LAMB3: variants seen among roughly 807,000 people sequenced by gnomAD.
LAMB3 encodes laminin subunit beta-3.
LAMB3 carries 104 observed loss-of-function variants against 140.3 expected under a neutral mutation model. The ratio of observed to expected loss-of-function variants is 0.74; its 90% confidence interval spans 0.63 to 0.87. LAMB3 has a LOEUF of 0.87. Ranked by LOEUF, LAMB3 falls within the 40% of genes least tolerant of loss-of-function variation. LAMB3 has a pLI of 0.00. For missense variants in LAMB3, 1,531 were observed against 1,575.2 expected (o/e 0.97, Z 0.47); for synonymous variants, 592 against 602.9 (o/e 0.98, Z 0.26).
rs1187091901 is a variant in LAMB3 at position 209,620,345 on chromosome 1, G to A, written c.2702-1686C>T. On this transcript the variant is annotated intron_variant, in intron 18 of 22. Coordinates refer to ENST00000356082, the MANE Select transcript of LAMB3 (RefSeq NM_000228.3). ...AAACACAGGTGCTATGATGGCCATGGAAGGGGCCCCCAGCGCCATCTGATA... is the reference window on the plus strand; with the variant it reads ...AAACACAGGTGCTATGATGGCCATGAAAGGGGCCCCCAGCGCCATCTGATA... 3.3e-5 allele frequency among the ~76,000 whole-genome samples: 5 copies of A among 152,166 alleles called. No individual in the cohort carries two copies. In the South Asian group the frequency reaches 1.0e-3, roughly 32 times the overall value.
At position 209,642,504 on chromosome 1, in the gene LAMB3, C is replaced by T. The variant is rs965886649; in HGVS notation, c.184-3856G>A. On this transcript the variant is annotated intron_variant, in intron 3 of 22. Transcript: ENST00000356082. ...GTTTGTTTGTTTTTTGAGATAGGGT[C>T]TCACTCTCTCACCCAGACTCTGGAG... Among the ~76,000 whole-genome samples, 7 of 152,048 alleles carry T rather than the reference C, an allele frequency of 4.6e-5. No individual in the cohort carries two copies. The South Asian group carries it at 1.5e-3, about 32-fold the overall frequency.
rs375282891 is a variant in LAMB3, at chr1:209,634,452, C to T, written c.559G>A (p.Gly187Arg). The T allele has an allele frequency of 1.9e-6, 3 of 1,613,924 alleles. No homozygotes were observed. The highest frequency in any genetic ancestry group is 2.5e-6 in the Non-Finnish European group (3 of 1,179,964). The stretch of plus-strand genomic sequence containing the variant: ...TCAGGATTCCCTCTACCTACCTTCC[C>T]CCCATTTAGGCGTGCATTAGGCCTC... ...PQRPNARLNG[G>R]KVQLNLMDLV... The change falls in exon 6 of 23, where the codon GGG becomes AGG. Residue 187 changes from glycine (G) to arginine (R), a missense_variant. By Grantham distance (125) the Gly-to-Arg change is moderately radical. Coordinates refer to ENST00000356082, the MANE Select transcript of LAMB3 (RefSeq NM_000228.3).
intron 18 of LAMB3, among the ~76,000 whole-genome samples, chr1:209,619,067 C>T (rs1439290036): frequency 6.6e-6 from 1 of 152,176 alleles, no homozygotes; most frequent in African/African-American, 2.4e-5. Flanking sequence ...GGCAAAAAGA[C>T]CCCTTCCCTG....
In LAMB3 at chr1:209,627,367, C is replaced by A; in HGVS notation, c.1485+16G>T. 2 of 1,604,470 alleles carry A rather than the reference C, an allele frequency of 1.2e-6. No individual in the cohort carries two copies. Among genetic ancestry groups the A allele is most frequent in the Non-Finnish European group, 1.7e-6 (2 of 1,172,694 alleles). On this transcript the variant is annotated intron_variant, in intron 12 of 22. Coordinates refer to ENST00000356082, the MANE Select transcript of LAMB3 (RefSeq NM_000228.3). ...CCTCCCACTGAGGGGGCCCCCGGAC[C>A]ACCCTCACTTCGTACCTGGTTGCAC...
At position 209,623,756 on chromosome 1, in the gene LAMB3, G is replaced by A. The variant is rs760381256; in HGVS notation, c.2138-31C>T. On this transcript the variant is annotated intron_variant, in intron 15 of 22. Coordinates refer to ENST00000356082, the MANE Select transcript of LAMB3 (RefSeq NM_000228.3). The surrounding 1 kb of genome is among the most constrained non-coding windows in gnomAD (Gnocchi z 4.2). ...GCGAGAAGCATGAGGAATGGAGATG[G>A]AGGAGGAGCAGGAGGGAGAGGGGGT... 9 of 1,613,410 alleles carry A rather than the reference G, an allele frequency of 5.6e-6. No homozygotes were observed. The South Asian group carries it at 8.8e-5, about 16-fold the overall frequency.
chr1:209,645,496 G>C (rs753621064), intron 3 of LAMB3, among the ~76,000 whole-genome samples: 25 of 151,956 alleles, frequency 1.6e-4, no homozygotes, highest in Admixed American at 1.6e-3. Context: ...CGGGCAGATC[G>C]CTTGAGGTCA....
rs78015580 is a variant in LAMB3, at chr1:209,631,455, C to T, written c.823-720G>A. 4.0e-3 allele frequency among the ~76,000 whole-genome samples: 610 copies of T among 152,326 alleles called. 3 individuals carry two copies. Among genetic ancestry groups the T allele is most frequent in the African/African-American group, 0.014 (580 of 41,570 alleles). ...CCTGCCAGCTAGGCTCCAGCTAGAA[C>T]GGCACCTCTCTCATAAGGCCTCCCT... is the stretch of plus-strand genomic sequence containing the variant. On this transcript the variant is annotated intron_variant, in intron 8 of 22. Coordinates refer to ENST00000356082, the MANE Select transcript of LAMB3 (RefSeq NM_000228.3).
In LAMB3 at chr1:209,617,454, G is replaced by C; in HGVS notation, c.3184C>G (p.Gln1062Glu). The C allele has an allele frequency of 6.2e-7, 1 of 1,613,290 alleles. No homozygotes were observed. The highest frequency in any genetic ancestry group is 8.5e-7 in the Non-Finnish European group (1 of 1,180,050). The change falls in exon 21 of 23, where the codon CAG becomes GAG. Residue 1062 changes from glutamine (Q) to glutamate (E), a missense_variant. Transcript: ENST00000356082. ...QQGAEAVQAQ[Q>E]LAEGASEQAL... ...TGCTCGCTGGCACCTTCCGCAAGCTGCTGGGCCTGGACTGCCTCTGCCCCC... is the reference window on the plus strand; with the variant it reads ...TGCTCGCTGGCACCTTCCGCAAGCTCCTGGGCCTGGACTGCCTCTGCCCCC...
In LAMB3 at chr1:209,618,543, C is replaced by T; in HGVS notation, c.2818G>A (p.Ala940Thr). 6.2e-7 allele frequency: 1 copy of T among 1,614,272 alleles called. No homozygotes were observed. The highest frequency in any genetic ancestry group is 1.1e-5 in the South Asian group (1 of 91,090). ...QKMNEIQAIA[A>T]RLPNVDLVLS... Reference sequence around the variant, plus strand: ...ACCAAGTCCACGTTGGGGAGCCTGGCTGCAATGGCCTGGATCTCATTCATC... The same window carrying T: ...ACCAAGTCCACGTTGGGGAGCCTGGTTGCAATGGCCTGGATCTCATTCATC... The change falls in exon 19 of 23, where the codon GCC (alanine) becomes ACC (threonine). Residue 940 changes from alanine to threonine, a missense_variant. By Grantham distance (58) the Ala-to-Thr change is moderately conservative. Transcript: ENST00000356082.
At chr1:209,641,204 C>T (rs1463429534) in intron 3 of LAMB3, among the ~76,000 whole-genome samples, 6 of 151,962 alleles carry the variant, frequency 3.9e-5, no homozygotes, top group Non-Finnish European at 7.4e-5. Context: ...AAACTATTTG[C>T]ATTAGCATTA....
intron 21 of LAMB3, 46 bp from the exon 22 acceptor site, chr1:209,616,670 TC>T: frequency 6.2e-7 from 1 of 1,601,086 alleles, no homozygotes; most frequent in Non-Finnish European, 8.5e-7. Context: ...TCATGCAAGG[TC>T]CTAAAGACCT....
Position 209,622,571 on chromosome 1 carries a change from C to T in LAMB3, c.2666G>A (p.Arg889Gln), listed in dbSNP as rs139896242. 8.6e-5 allele frequency: 139 copies of T among 1,613,950 alleles called. No homozygotes were observed. Among genetic ancestry groups the T allele is most frequent in the Non-Finnish European group, 1.1e-4 (130 of 1,180,002 alleles). The change falls in exon 18 of 23, where the codon CGG becomes CAG. Residue 889 changes from arginine (R) to glutamine (Q), a missense_variant. Arg to Gln is a conservative substitution (Grantham distance 43, BLOSUM62 1). Transcript: ENST00000356082. ...SQMEEDVRRT[R>Q]LLIQQVRDFL... is the part of the protein sequence containing the mutation. ...GTCCCGGACCTGCTGGATTAGGAGC[C>T]GTGTGCGTCTGACATCTTCCTCCAT...
intron 21 of LAMB3, among the ~76,000 whole-genome samples, chr1:209,617,000 TG>T: frequency 6.6e-6 from 1 of 152,246 alleles, no homozygotes; most frequent in East Asian, 1.9e-4. Context: ...ACACTGAGAA[TG>T]GGCTCTTTGA....
At chr1:209,618,114 C>A in intron 19 of LAMB3, 66 bp from the exon 20 acceptor site, 1 of 1,589,656 alleles carries the variant, frequency 6.3e-7, no homozygotes, top group South Asian at 1.1e-5. Context: ...ATGTGTGGTT[C>A]GACTCACACA....
At chr1:209,647,417 G>A (rs751176024) in intron 3 of LAMB3, among the ~76,000 whole-genome samples, 2 of 152,252 alleles carry the variant, frequency 1.3e-5, no homozygotes, top group Non-Finnish European at 2.9e-5. Flanking sequence ...GGGGAGTGGA[G>A]TGAGCAAGGC....
chr1:209,616,419 G>A, intron 22 of LAMB3, 52 bp downstream of exon 22: 1 of 1,604,470 alleles, frequency 6.2e-7, no homozygotes, highest in Middle Eastern at 1.8e-4. Context: ...GGTTGGGTGG[G>A]ACCAGCCTTC....
At chr1:209,631,499 G>A (rs1193516854) in intron 8 of LAMB3, among the ~76,000 whole-genome samples, 1 of 152,172 alleles carries the variant, frequency 6.6e-6, no homozygotes, top group Non-Finnish European at 1.5e-5. Context: ...TAATTCCATA[G>A]ATCTCAACAC....
chr1:209,651,123 T>C (rs186529075), intron 1 of LAMB3, 142 bp from the exon 2 acceptor site: 1 of 693,022 alleles, frequency 1.4e-6, no homozygotes, highest in African/African-American at 1.8e-5. Flanking sequence ...GAGCAGCAGA[T>C]ACATTTGTAG....
chr1:209,628,213 G>A (rs754469191), intron 10 of LAMB3, 23 bp from the exon 11 acceptor site: 44 of 1,551,720 alleles, frequency 2.8e-5, no homozygotes, highest in Non-Finnish European at 3.7e-5. Context: ...AGCAGCCACC[G>A]CAGTAGGAAC....
Sources: allele counts gnomAD v4.1 joint callset (sites outside exome capture counted in the v4.1 genomes callset), GRCh38; gene constraint gnomAD v4.1.1; non-coding constraint Gnocchi (gnomAD v3.1); transcripts MANE v1.5; gene names NCBI Gene and HGNC (gene_info 2026-07-23, HGNC 2026-07-21).